The following DHRSX variants were observed in gnomAD, a reference collection of about 807,000 sequenced individuals.
The protein encoded by DHRSX is polyprenol dehydrogenase.
DHRSX carries 31 observed loss-of-function variants against 34.0 expected under a neutral mutation model. The ratio of observed to expected loss-of-function variants is 0.91; its 90% CI spans 0.69 to 1.23. The LOEUF (loss-of-function observed/expected upper bound fraction) is 1.23, where lower values mean the gene tolerates loss of function less well. DHRSX is among the 50% of genes most tolerant of loss of function. The pLI, the probability that DHRSX is intolerant of heterozygous loss-of-function variation, is 0.00. For missense variants in DHRSX, 414 were observed against 428.1 expected, an observed-to-expected ratio of 0.97 and a Z score of 0.29; for synonymous variants, 201 against 183.8, an observed-to-expected ratio of 1.09 and a Z score of -0.76.
intron 6 of DHRSX, among the ~76,000 whole-genome samples, chrX:2,222,090 C>T (rs1257062421): frequency 6.6e-6 from 1 of 152,210 alleles, no homozygotes; most frequent in African/African-American, 2.4e-5. Flanking sequence ...AACCAGAAAG[C>T]AGGTCCCTTC....
At chrX:2,437,283 G>A (rs1715556147) in intron 1 of DHRSX, among the ~76,000 whole-genome samples, 3 of 151,714 alleles carry the variant, frequency 2.0e-5, no homozygotes, top group East Asian at 2.0e-4. Context: ...ACAGGTGTGA[G>A]CCACCATGCC....
chrX:2,421,229 A>C (rs2043775623), intron 2 of DHRSX, among the ~76,000 whole-genome samples: 1 of 151,950 alleles, frequency 6.6e-6, no homozygotes, highest in East Asian at 1.9e-4. Flanking sequence ...AACTACAAAA[A>C]ATTATCCAAG....
chrX:2,257,952 T>C (rs1374064322), intron 5 of DHRSX, among the ~76,000 whole-genome samples: 1 of 152,064 alleles, frequency 6.6e-6, no homozygotes, highest in Non-Finnish European at 1.5e-5. Context: ...AAAGATGCGA[T>C]TCAGGTAAAA....
intron 3 of DHRSX, chrX:2,334,170 C>CTTTTTCTTTTTT: frequency 9.5e-6 from 1 of 105,112 alleles, no homozygotes; most frequent in Non-Finnish European, 1.9e-5. Context: ...CAAAAGTATG[C>CTTTTTCTTTTTT]TTTTTTTTTT....
intron 3 of DHRSX, among the ~76,000 whole-genome samples, chrX:2,311,414 G>C (rs2042164329): frequency 6.6e-6 from 1 of 152,094 alleles, no homozygotes; most frequent in South Asian, 2.1e-4. Context: ...ATGCTCCTCG[G>C]ATACACAGCT....
At chrX:2,386,454 G>A (rs969135820) in intron 3 of DHRSX, among the ~76,000 whole-genome samples, 2 of 151,918 alleles carry the variant, frequency 1.3e-5, no homozygotes, top group African/African-American at 4.8e-5. Context: ...CTGGACCTCA[G>A]GTGACCCGCC....
chrX:2,395,038 G>A (rs1484384115), intron 3 of DHRSX, among the ~76,000 whole-genome samples: 1 of 152,074 alleles, frequency 6.6e-6, no homozygotes, highest in East Asian at 1.9e-4. Context: ...TCCCAGGTGA[G>A]GATCAGTGGT....
At chrX:2,463,782 GA>G (rs1284810732) in intron 1 of DHRSX, among the ~76,000 whole-genome samples, 2 of 150,442 alleles carry the variant, frequency 1.3e-5, no homozygotes, top group African/African-American at 4.9e-5. Flanking sequence ...GATTCCACAT[GA>G]GAGTCAGAGA....
At chrX:2,399,725 C>CAAAAAAAAAAAAAAAAAAA (rs779558142) in intron 3 of DHRSX, among the ~76,000 whole-genome samples, 6 of 35,222 alleles carry the variant, frequency 1.7e-4, no homozygotes, top group Non-Finnish European at 2.4e-4. Flanking sequence ...AAACAAAAAG[C>CAAAAAAAAAAAAAAAAAAA]AAAAAAAAAA....
chrX:2,411,053 A>G (rs1387676679), intron 2 of DHRSX, among the ~76,000 whole-genome samples: 1 of 152,222 alleles, frequency 6.6e-6, no homozygotes, highest in East Asian at 1.9e-4. Context: ...AAATAGCCTG[A>G]AAGGTATATT....
chrX:2,387,462 A>G (rs899400845), intron 3 of DHRSX, among the ~76,000 whole-genome samples: 88 of 152,192 alleles, frequency 5.8e-4, no homozygotes, highest in Admixed American at 3.3e-4. Context: ...CCAAAGCTGA[A>G]GAACTTGGAG....
At chrX:2,423,001 C>T (rs1165060194) in intron 2 of DHRSX, among the ~76,000 whole-genome samples, 3 of 151,708 alleles carry the variant, frequency 2.0e-5, no homozygotes, top group Non-Finnish European at 4.4e-5. Flanking sequence ...CAGGGCTTCA[C>T]CATGTTGGCC....
intron 3 of DHRSX, among the ~76,000 whole-genome samples, chrX:2,394,115 G>A (rs1464254199): frequency 6.6e-6 from 1 of 152,234 alleles, no homozygotes; most frequent in Non-Finnish European, 1.5e-5. Flanking sequence ...CCGGATGGAA[G>A]GCTGCTTGTG....
Position 2,352,081 on chromosome X carries a change from C to T in DHRSX, c.286+56664G>A, listed in dbSNP as rs186787209. Among the ~76,000 whole-genome samples, 27 of 152,122 alleles carry T rather than the reference C, an allele frequency of 1.8e-4. No individual in the cohort carries two copies. The East Asian group carries it at 4.3e-3, about 24-fold the overall frequency. ...TTTGCCCCCTAAAAGCACCATTGGA[C>T]AACCACAATCCCAGGCCTGATGCTG... On this transcript the variant is annotated intron_variant, in intron 3 of 6. Coordinates refer to ENST00000334651, the MANE Select transcript of DHRSX (RefSeq NM_145177.3).
intron 2 of DHRSX, among the ~76,000 whole-genome samples, chrX:2,414,279 C>G (rs1364363874): frequency 6.6e-6 from 1 of 152,020 alleles, no homozygotes; most frequent in Non-Finnish European, 1.5e-5. Context: ...CCTAACTCAA[C>G]AAGACTTCAT....
intron 3 of DHRSX, among the ~76,000 whole-genome samples, chrX:2,404,365 G>C (rs1162483713): frequency 6.6e-6 from 1 of 152,136 alleles, no homozygotes; most frequent in Admixed American, 6.5e-5. Flanking sequence ...AAATGAGGAA[G>C]GGCCAAGGTG....
intron 1 of DHRSX, among the ~76,000 whole-genome samples, chrX:2,448,375 AAAAG>A (rs752931668): frequency 8.8e-5 from 12 of 136,932 alleles, no homozygotes; most frequent in African/African-American, 3.0e-4. Context: ...TCAGTTACAT[AAAAG>A]AAATAAATTC....
intron 1 of DHRSX, among the ~76,000 whole-genome samples, chrX:2,459,550 G>GTATATATATATATA (rs57748851): frequency 3.3e-4 from 45 of 137,796 alleles, no homozygotes; most frequent in South Asian, 9.4e-4. Context: ...GTGTCTGTGT[G>GTATATATATATATA]TATATATATA....
At chrX:2,432,017 C>A (rs1304743385) in intron 1 of DHRSX, among the ~76,000 whole-genome samples, 1 of 151,972 alleles carries the variant, frequency 6.6e-6, no homozygotes, top group South Asian at 2.1e-4. Context: ...ATGGTGAAAC[C>A]GCATCTCTAC....
Sources: gnomAD v4.1 joint callset for allele counts (sites outside exome capture counted in the v4.1 genomes callset) on GRCh38, gnomAD v4.1.1 for gene constraint, MANE v1.5 for transcripts, NCBI Gene and HGNC (gene_info 2026-07-23, HGNC 2026-07-21) for gene names.